The following PASK variants were observed in gnomAD, a reference collection of about 807,000 sequenced individuals.
PASK encodes the protein PAS domain-containing serine/threonine-protein kinase.
A neutral mutation model predicts 121.0 loss-of-function variants in PASK; 110 were observed. The observed-to-expected ratio is 0.91, with a 90% CI of 0.78 to 1.06. The LOEUF (loss-of-function observed/expected upper bound fraction) is 1.06. PASK is among the 50% of genes least tolerant of loss of function. PASK has a pLI of 0.00. For synonymous variants in PASK, 686 were observed against 717.8 expected, an observed-to-expected ratio of 0.96 and a Z score of 0.71; for missense variants, 1,643 against 1,702.3, an observed-to-expected ratio of 0.97 and a Z score of 0.61.
chr2:241,107,118 C>T (rs771519655), intron 17 of PASK, among the ~76,000 whole-genome samples: 1 of 152,200 alleles, frequency 6.6e-6, no homozygotes, highest in Non-Finnish European at 1.5e-5. Context: ...ATGACACCTG[C>T]CCACCCTCCA....
intron 14 of PASK, chr2:241,114,143 A>G: frequency 1.0e-6 from 1 of 985,326 alleles, no homozygotes; most frequent in Non-Finnish European, 1.2e-6. Context: ...AGTGTTGGCC[A>G]CAAACTAAAG....
At position 241,107,484 on chromosome 2, in the gene PASK, A is replaced by C. The variant is rs1159594264; in HGVS notation, c.3683T>G (p.Val1228Gly). Reference protein sequence around the residue: ...YLVSKELMSLVSGLLQPVPER... With the variant: ...YLVSKELMSLGSGLLQPVPER... ...AGGGACTGGCTGCAGCAGCCCAGACACAAGGCTCATGAGTTCTGGGGACAC... is the reference window on the plus strand; with the variant it reads ...AGGGACTGGCTGCAGCAGCCCAGACCCAAGGCTCATGAGTTCTGGGGACAC... Residue 1228 changes from valine (V) to glycine (G), a missense_variant, in exon 17 of 18, where the codon GTG becomes GGG. Around this residue, in one of 3 missense-constraint regions of PASK, gnomAD observed 453 missense variants for 511.2 expected, o/e 0.89. Transcript: ENST00000234040. 1 of 1,613,990 alleles carries C rather than the reference A, an allele frequency of 6.2e-7. No homozygotes were observed. Among genetic ancestry groups the C allele is most frequent in the Non-Finnish European group, 8.5e-7 (1 of 1,179,964 alleles).
upstream of PASK, chr2:241,149,570 A>C (rs918813789): frequency 1.4e-5 from 19 of 1,330,224 alleles, no homozygotes; most frequent in African/African-American, 5.9e-5. Flanking sequence ...AGCTAGCCAG[A>C]GTCTAGAAGC....
upstream of PASK, chr2:241,150,316 G>T (rs749087303): frequency 8.3e-6 from 11 of 1,331,136 alleles, no homozygotes; most frequent in Non-Finnish European, 1.1e-5. Context: ...TCTGGGGGAG[G>T]CGCGGCGCGC....
chr2:241,136,104 C>A, intron 7 of PASK, 65 bp from the exon 8 acceptor site: 1 of 1,400,718 alleles, frequency 7.1e-7, no homozygotes, highest in Non-Finnish European at 1.0e-6. Context: ...GGACCGTCCC[C>A]CTGGGGGAGG....
intron 14 of PASK, among the ~76,000 whole-genome samples, chr2:241,113,151 A>T (rs1034620748): frequency 7.2e-5 from 11 of 152,230 alleles, no homozygotes; most frequent in Admixed American, 2.6e-4. Flanking sequence ...AGTTTAGCTC[A>T]ACTAGGATGA....
At chr2:241,117,162 G>A (rs926591299) in intron 12 of PASK, among the ~76,000 whole-genome samples, 1 of 152,168 alleles carries the variant, frequency 6.6e-6, no homozygotes, top group African/African-American at 2.4e-5. Context: ...TCGGAGCCTG[G>A]GCAACATCCA....
rs370744882 is a variant in PASK, at chr2:241,107,367, C to T, written c.3800G>A (p.Arg1267Gln). The T allele has an allele frequency of 1.5e-5, 25 of 1,613,746 alleles. No homozygotes were observed. Among genetic ancestry groups the T allele is most frequent in the Middle Eastern group, 1.6e-4 (1 of 6,084 alleles). ...AGAAGCCTCACCTGGCTTGTTTACT[C>T]GAAACACCTCTTCCCATGTATAGTC... is the stretch of plus-strand genomic sequence containing the variant. ...LADYTWEEVF[R>Q]VNKPESGVLS... The change falls in exon 17 of 18, where the codon CGA (arginine) becomes CAA (glutamine). Residue 1267 changes from arginine to glutamine, a missense_variant. Physicochemically the swap from Arg to Gln is conservative, Grantham distance 43. This residue lies in a region of PASK where 453 missense variants were observed against 511.2 expected (regional missense o/e 0.89). Coordinates refer to ENST00000234040, the MANE Select transcript of PASK (RefSeq NM_015148.4).
chr2:241,119,403 C>T (rs947589693), intron 12 of PASK, among the ~76,000 whole-genome samples: 3 of 152,194 alleles, frequency 2.0e-5, no homozygotes, highest in Admixed American at 6.5e-5. Context: ...GCCTCCTCTA[C>T]ACCAATGAGG....
chr2:241,134,652 C>T (rs1003373887), intron 8 of PASK: 3 of 152,280 alleles, frequency 2.0e-5, no homozygotes, highest in Admixed American at 6.5e-5. Flanking sequence ...CCCGAGTGAC[C>T]GCATGCAGGA....
intron 12 of PASK, among the ~76,000 whole-genome samples, chr2:241,118,480 T>G (rs1482515031): frequency 6.6e-6 from 1 of 152,104 alleles, no homozygotes; most frequent in Non-Finnish European, 1.5e-5. Context: ...CAACTAGATA[T>G]CCACATACGA....
chr2:241,112,068 G>A lies in PASK; in HGVS notation c.3533+172C>T, dbSNP rs1461163960. Among the ~76,000 whole-genome samples the A allele has an allele frequency of 6.6e-6, 1 of 151,938 alleles. No homozygotes were observed. The highest frequency in any genetic ancestry group is 1.5e-5 in the Non-Finnish European group (1 of 68,008). ...CCTATATCCATCGCCCAGTGCCTTT[G>A]CCCAATATGACCTTGCCTGCCTGCC... On this transcript the variant is annotated intron_variant, in intron 15 of 17. Coordinates refer to ENST00000234040, the MANE Select transcript of PASK (RefSeq NM_015148.4). This position sits in a 1 kb window ranked among gnomAD's most constrained non-coding sequence, Gnocchi z 5.2.
At chr2:241,147,493 T>G (rs139817622) in intron 1 of PASK, among the ~76,000 whole-genome samples, 111 of 152,108 alleles carry the variant, frequency 7.3e-4, no homozygotes, top group Middle Eastern at 3.4e-3. Context: ...TGGTGGCACA[T>G]GCTGGTAGTC....
At chr2:241,124,838 A>C (rs2065783417) in intron 10 of PASK, among the ~76,000 whole-genome samples, 1 of 152,270 alleles carries the variant, frequency 6.6e-6, no homozygotes, top group Non-Finnish European at 1.5e-5. Flanking sequence ...CAATATGGAA[A>C]CAACTGGCTA....
At chr2:241,124,941 C>T (rs1428740776) in intron 10 of PASK, among the ~76,000 whole-genome samples, 3 of 151,010 alleles carry the variant, frequency 2.0e-5, no homozygotes, top group Non-Finnish European at 3.0e-5. Flanking sequence ...CCGAGGCGGG[C>T]GGATCACGAG....
intron 12 of PASK, among the ~76,000 whole-genome samples, chr2:241,115,928 A>C (rs2065332314): frequency 2.6e-5 from 2 of 75,520 alleles, no homozygotes; most frequent in Non-Finnish European, 2.1e-5. Flanking sequence ...ACCAGGGGCC[A>C]CCATCAGTCC....
chr2:241,127,337 T>C lies in PASK; in HGVS notation c.1578A>G (p.Gly526=). The C allele has an allele frequency of 6.2e-7, 1 of 1,614,202 alleles. No individual in the cohort carries two copies. The highest frequency in any genetic ancestry group is 8.5e-7 in the Non-Finnish European group (1 of 1,180,034). Residue 526 remains glycine (G), a synonymous_variant, in exon 10 of 18, where the codon GGA becomes GGG. Transcript: ENST00000234040. ...REEPVAIESP[G]QDLLGESRSE... is the part of the protein sequence containing the mutation. ...ACCTGCTTTCTCCCAGAAGATCCTG[T>C]CCGGGGCTCTCTATTGCCACAGGTT...
At chr2:241,109,581 A>T (rs1177370555) in intron 15 of PASK, 2 of 152,594 alleles carry the variant, frequency 1.3e-5, no homozygotes, top group Non-Finnish European at 2.9e-5. Context: ...AAGAGGGCAG[A>T]TCACAGAGGC....
In PASK at chr2:241,127,109, C is replaced by A; in HGVS notation, c.1806G>T (p.Ala602=). 1 of 1,614,062 alleles carries A rather than the reference C, an allele frequency of 6.2e-7. No individual in the cohort carries two copies. Among genetic ancestry groups the A allele is most frequent in the Non-Finnish European group, 8.5e-7 (1 of 1,180,022 alleles). The part of the protein sequence containing the change: ...VAKPQAKGQL[A]GGSLLMHCPC... ...GGCAGTGCATCAGGAGGCTGCCCCC[C>A]GCCAGCTGACCCTTGGCCTGGGGCT... Residue 602 remains alanine (A), a synonymous_variant, in exon 10 of 18, where the codon GCG becomes GCT. Coordinates refer to ENST00000234040, the MANE Select transcript of PASK (RefSeq NM_015148.4).
Sources: allele counts gnomAD v4.1 joint callset (sites outside exome capture counted in the v4.1 genomes callset), GRCh38; gene constraint gnomAD v4.1.1; regional missense constraint gnomAD v4.1.1; non-coding constraint Gnocchi (gnomAD v3.1); transcripts MANE v1.5; gene names NCBI Gene and HGNC (gene_info 2026-07-23, HGNC 2026-07-21).